The following KCNJ6 variants were observed in gnomAD, a reference collection of about 807,000 sequenced individuals.
KCNJ6 encodes G protein-activated inward rectifier potassium channel 2.
Under a neutral mutation model 34.2 loss-of-function variants are expected in KCNJ6, and 9 were observed. The ratio of observed to expected loss-of-function variants is 0.26; its 90% CI spans 0.16 to 0.46. KCNJ6 has a LOEUF of 0.46. Ranked by LOEUF, KCNJ6 falls within the 20% of genes least tolerant of loss-of-function variation. The pLI, the probability that KCNJ6 is intolerant of heterozygous loss-of-function variation, is 1.00. For synonymous variants in KCNJ6, 196 were observed against 207.1 expected (o/e 0.95, Z 0.46); for missense variants, 236 against 531.3 (o/e 0.44, Z 5.46).
At chr21:37,629,775 T>C (rs1333380968) in intron 3 of KCNJ6, among the ~76,000 whole-genome samples, 1 of 152,214 alleles carries the variant, frequency 6.6e-6, no homozygotes, top group African/African-American at 2.4e-5. Flanking sequence ...TACTGACTTC[T>C]ATAGGGAGAG....
chr21:37,862,118 A>C (rs1220075330), intron 1 of KCNJ6, among the ~76,000 whole-genome samples: 1 of 152,192 alleles, frequency 6.6e-6, no homozygotes, highest in East Asian at 1.9e-4. Context: ...AATCTTACAT[A>C]AGGTGTCAGA....
chr21:37,690,023 C>T (rs895847787), intron 3 of KCNJ6, among the ~76,000 whole-genome samples: 1 of 152,198 alleles, frequency 6.6e-6, no homozygotes, highest in Non-Finnish European at 1.5e-5. Flanking sequence ...TCTTATCCCT[C>T]TGCAATAAAC....
chr21:37,676,853 A>G (rs1367069123), intron 3 of KCNJ6, among the ~76,000 whole-genome samples: 1 of 152,226 alleles, frequency 6.6e-6, no homozygotes, highest in Admixed American at 6.5e-5. Context: ...AATAGTGCTG[A>G]GGTTGAGGAA....
chr21:37,869,754 C>A (rs148227971), intron 1 of KCNJ6, among the ~76,000 whole-genome samples: 5 of 152,326 alleles, frequency 3.3e-5, no homozygotes, highest in Admixed American at 6.5e-5. Context: ...GTAGCAAAAT[C>A]CTATTTAGGC....
At chr21:37,861,251 A>G (rs953687995) in intron 1 of KCNJ6, among the ~76,000 whole-genome samples, 6 of 152,172 alleles carry the variant, frequency 3.9e-5, no homozygotes, top group Admixed American at 2.6e-4. Flanking sequence ...ATTTTCTCAA[A>G]GTTCTGGAGG....
intron 1 of KCNJ6, among the ~76,000 whole-genome samples, chr21:37,896,473 C>T (rs1392207639): frequency 6.6e-6 from 1 of 152,184 alleles, no homozygotes. Flanking sequence ...CTGCTTCTCA[C>T]CTGCCTGGCA....
chr21:37,706,234 T>C (rs1334048656), intron 3 of KCNJ6, among the ~76,000 whole-genome samples: 5 of 152,236 alleles, frequency 3.3e-5, no homozygotes, highest in Admixed American at 1.3e-4. Context: ...CTGGGAATTT[T>C]TGGTGAACAC....
intron 3 of KCNJ6, among the ~76,000 whole-genome samples, chr21:37,693,829 C>G (rs2054651387): frequency 6.6e-6 from 1 of 152,162 alleles, no homozygotes; most frequent in South Asian, 2.1e-4. Context: ...CAGCGGTACC[C>G]ACTTTCTTCC....
chr21:37,733,978 G>A (rs1443267292), intron 2 of KCNJ6, among the ~76,000 whole-genome samples: 1 of 152,196 alleles, frequency 6.6e-6, no homozygotes, highest in Non-Finnish European at 1.5e-5. Flanking sequence ...ATTGAAGCAG[G>A]CCACCAGTTT....
intron 3 of KCNJ6, among the ~76,000 whole-genome samples, chr21:37,672,077 T>G (rs2054544775): frequency 6.6e-6 from 1 of 152,192 alleles, no homozygotes; most frequent in Non-Finnish European, 1.5e-5. Flanking sequence ...TGGAGGGAAT[T>G]GTGTCTTGAC....
At chr21:37,692,782 C>G (rs1364002819) in intron 3 of KCNJ6, among the ~76,000 whole-genome samples, 2 of 152,202 alleles carry the variant, frequency 1.3e-5, no homozygotes, top group African/African-American at 4.8e-5. Context: ...ACAAATTACT[C>G]AGCGATCTGC....
At chr21:37,742,821 A>G (rs2054947815) in intron 2 of KCNJ6, among the ~76,000 whole-genome samples, 1 of 152,206 alleles carries the variant, frequency 6.6e-6, no homozygotes, top group South Asian at 2.1e-4. Context: ...CATCAAGTCC[A>G]GGCTCCCAGC....
chr21:37,822,177 A>G (rs929239651), intron 2 of KCNJ6, among the ~76,000 whole-genome samples: 4 of 152,238 alleles, frequency 2.6e-5, no homozygotes, highest in Non-Finnish European at 4.4e-5. Flanking sequence ...ATCTGGCTGC[A>G]CGTGGAGGAT....
intron 3 of KCNJ6, among the ~76,000 whole-genome samples, chr21:37,627,285 T>C (rs1316848075): frequency 6.6e-6 from 1 of 152,208 alleles, no homozygotes; most frequent in African/African-American, 2.4e-5. Flanking sequence ...CCTTTTTCAA[T>C]GTTTCCCTGA....
In KCNJ6 at chr21:37,782,131, T is replaced by TGA. The variant is rs910084190; in HGVS notation, c.25+58525_25+58526dup. Among the ~76,000 whole-genome samples, 23 of 145,770 alleles carry TGA rather than the reference T, an allele frequency of 1.6e-4. No individual in the cohort carries two copies. In the South Asian group the frequency reaches 2.6e-3, roughly 17 times the overall value. ...AGACGGATGGGGTGGGAAAAGAGAG[T>TGA]GAGAGAGAGAGAGAGAACAGAGACA... On this transcript the variant is annotated intron_variant, in intron 2 of 3. Transcript: ENST00000609713.
At chr21:37,778,422 A>C (rs1481327040) in intron 2 of KCNJ6, among the ~76,000 whole-genome samples, 1 of 151,876 alleles carries the variant, frequency 6.6e-6, no homozygotes, top group Non-Finnish European at 1.5e-5. Flanking sequence ...AAGATATCAC[A>C]GTTCTGGAGG....
At chr21:37,907,428 AG>A (rs2055847175) in intron 1 of KCNJ6, among the ~76,000 whole-genome samples, 1 of 152,182 alleles carries the variant, frequency 6.6e-6, no homozygotes. Flanking sequence ...TTGTTGACTG[AG>A]CCTGAAGGGC....
At chr21:37,768,915 C>T (rs1037702218) in intron 2 of KCNJ6, among the ~76,000 whole-genome samples, 26 of 152,050 alleles carry the variant, frequency 1.7e-4, no homozygotes, top group Admixed American at 1.3e-3. Flanking sequence ...AGCCCACCTA[C>T]CTGAAGGGAA....
At chr21:37,638,097 C>G (rs2054365908) in intron 3 of KCNJ6, among the ~76,000 whole-genome samples, 1 of 152,208 alleles carries the variant, frequency 6.6e-6, no homozygotes, top group Admixed American at 6.5e-5. Context: ...TCAACCACAA[C>G]ACTATTATTT....
Sources: allele counts gnomAD v4.1 joint callset (sites outside exome capture counted in the v4.1 genomes callset), GRCh38; gene constraint gnomAD v4.1.1; transcripts MANE v1.5; gene names NCBI Gene and HGNC (gene_info 2026-07-23, HGNC 2026-07-21).